TMEM132C: variants seen among roughly 807,000 people sequenced by gnomAD.
TMEM132C encodes the protein transmembrane protein 132C.
A neutral mutation model predicts 61.4 loss-of-function variants in TMEM132C; 29 were observed. That is an observed-to-expected ratio of 0.47 (90% CI 0.35 to 0.64). TMEM132C has a LOEUF of 0.64. Ranked by LOEUF, TMEM132C falls within the 30% of genes least tolerant of loss-of-function variation. TMEM132C has a pLI of 0.00. For missense variants in TMEM132C, 1,408 were observed against 1,476.9 expected (o/e 0.95, Z 0.76); for synonymous variants, 656 against 633.1 (o/e 1.04, Z -0.54).
In TMEM132C at chr12:128,706,080, G is replaced by C; in HGVS notation, c.3112G>C (p.Glu1038Gln). 6.4e-7 allele frequency: 1 copy of C among 1,551,654 alleles called. No homozygotes were observed. Among genetic ancestry groups the C allele is most frequent in the Non-Finnish European group, 8.7e-7 (1 of 1,146,938 alleles). ...CGACTCCGGGGGGCGGCAGGGCAGAGAACAGAAGCAGGACCCCCTGCACTC... is the reference window on the plus strand; with the variant it reads ...CGACTCCGGGGGGCGGCAGGGCAGACAACAGAAGCAGGACCCCCTGCACTC... ...SADSGGRQGR[E>Q]QKQDPLHSPT... Residue 1038 changes from glutamate to glutamine, a missense_variant, in exon 9 of 9, where the codon GAA becomes CAA. Physicochemically the swap from Glu to Gln is conservative, Grantham distance 29. Transcript: ENST00000435159.
intron 3 of TMEM132C, among the ~76,000 whole-genome samples, chr12:128,559,139 A>G (rs1874427559): frequency 1.3e-5 from 2 of 151,462 alleles, no homozygotes; most frequent in South Asian, 4.2e-4. Flanking sequence ...ACACACACAG[A>G]CACACACACA....
chr12:128,454,516 G>A (rs1017550454), intron 2 of TMEM132C, among the ~76,000 whole-genome samples: 1 of 152,198 alleles, frequency 6.6e-6, no homozygotes, highest in African/African-American at 2.4e-5. Context: ...TGACCATTTG[G>A]TTTTGCCTCT....
intron 3 of TMEM132C, among the ~76,000 whole-genome samples, chr12:128,604,824 G>A (rs1274154918): frequency 6.8e-6 from 1 of 146,104 alleles, no homozygotes; most frequent in Admixed American, 6.9e-5. Context: ...ATGGATGGAT[G>A]GATAATAGAT....
intron 2 of TMEM132C, among the ~76,000 whole-genome samples, chr12:128,434,024 C>T (rs959851015): frequency 5.3e-5 from 8 of 152,344 alleles, no homozygotes; most frequent in Admixed American, 2.6e-4. Flanking sequence ...GATAGCAACA[C>T]GGGCAGCAAG....
At chr12:128,456,321 T>C (rs916418160) in intron 2 of TMEM132C, among the ~76,000 whole-genome samples, 1 of 149,452 alleles carries the variant, frequency 6.7e-6, no homozygotes, top group Admixed American at 6.7e-5. Flanking sequence ...TAACATAATT[T>C]ACTACATTAA....
At chr12:128,295,638 C>CAA (rs59555369) in intron 1 of TMEM132C, among the ~76,000 whole-genome samples, 1 of 116,010 alleles carries the variant, frequency 8.6e-6, no homozygotes, top group African/African-American at 3.3e-5. Context: ...TTAAGTCCTT[C>CAA]AAAAAAAAAA....
At chr12:128,428,250 A>ACT (rs57811864) in intron 2 of TMEM132C, among the ~76,000 whole-genome samples, 1 of 150,442 alleles carries the variant, frequency 6.6e-6, no homozygotes, top group East Asian at 2.0e-4. Context: ...TTTCCCTATA[A>ACT]AACTTTTGGG....
At chr12:128,399,342 T>C (rs1875069296) in intron 1 of TMEM132C, among the ~76,000 whole-genome samples, 1 of 152,216 alleles carries the variant, frequency 6.6e-6, no homozygotes, top group East Asian at 1.9e-4. Flanking sequence ...TAATTGGGAC[T>C]CTCAGGGTTA....
At chr12:128,653,410 A>G (rs936510436) in intron 4 of TMEM132C, among the ~76,000 whole-genome samples, 23 of 152,318 alleles carry the variant, frequency 1.5e-4, no homozygotes, top group African/African-American at 4.6e-4. Context: ...CTAAATCTCA[A>G]TAAAGCTATT....
At chr12:128,344,256 C>A (rs1403742904) in intron 1 of TMEM132C, among the ~76,000 whole-genome samples, 1 of 152,182 alleles carries the variant, frequency 6.6e-6, no homozygotes, top group Non-Finnish European at 1.5e-5. Context: ...CTCCCGGGTT[C>A]ACGCCATTCT....
At chr12:128,446,477 T>C (rs1479752405) in intron 2 of TMEM132C, among the ~76,000 whole-genome samples, 2 of 152,228 alleles carry the variant, frequency 1.3e-5, no homozygotes, top group African/African-American at 4.8e-5. Context: ...ATGCCAAACT[T>C]TCCTGATCAT....
intron 3 of TMEM132C, among the ~76,000 whole-genome samples, chr12:128,592,059 G>GAAAAAAAAAAAAAAAAAAAAAA: frequency 8.0e-6 from 1 of 125,466 alleles, no homozygotes; most frequent in Non-Finnish European, 1.6e-5. Context: ...AAAAAAAAAA[G>GAAAAAAAAAAAAAAAAAAAAAA]AAAAAAAAAA....
chr12:128,499,270 A>C (rs1221575056), intron 2 of TMEM132C, among the ~76,000 whole-genome samples: 1 of 152,144 alleles, frequency 6.6e-6, no homozygotes, highest in Non-Finnish European at 1.5e-5. Flanking sequence ...GTAAGTTTTT[A>C]ATTATTCTGG....
intron 2 of TMEM132C, among the ~76,000 whole-genome samples, chr12:128,465,945 A>T (rs557833222): frequency 1.3e-5 from 2 of 152,294 alleles, no homozygotes; most frequent in Admixed American, 1.3e-4. Flanking sequence ...AAGGCGAGTG[A>T]AGCACTGGGA....
intron 1 of TMEM132C, among the ~76,000 whole-genome samples, chr12:128,285,281 T>TA (rs1198193576): frequency 6.6e-6 from 1 of 152,248 alleles, no homozygotes; most frequent in Non-Finnish European, 1.5e-5. Context: ...GATATGCAAT[T>TA]ACTCTGATTT....
At chr12:128,658,721 T>C (rs1166433608) in intron 4 of TMEM132C, among the ~76,000 whole-genome samples, 1 of 152,202 alleles carries the variant, frequency 6.6e-6, no homozygotes, top group Non-Finnish European at 1.5e-5. Flanking sequence ...CAACCACTTA[T>C]AAAGTTCTCC....
intron 3 of TMEM132C, among the ~76,000 whole-genome samples, chr12:128,582,621 T>C (rs1036951186): frequency 1.3e-5 from 2 of 152,150 alleles, no homozygotes; most frequent in African/African-American, 4.8e-5. Context: ...CAAGATCTGA[T>C]GGGTTTATCA....
intron 1 of TMEM132C, among the ~76,000 whole-genome samples, chr12:128,318,626 T>C (rs953635430): frequency 1.3e-5 from 2 of 152,238 alleles, no homozygotes; most frequent in Non-Finnish European, 2.9e-5. Context: ...ATCGCGTCTG[T>C]TGCCAGCTAA....
At chr12:128,520,817 G>A (rs1240340591) in intron 2 of TMEM132C, among the ~76,000 whole-genome samples, 1 of 152,080 alleles carries the variant, frequency 6.6e-6, no homozygotes, top group Non-Finnish European at 1.5e-5. Flanking sequence ...ATTTAGGGTG[G>A]GAGAGTTTAT....
Sources: allele counts gnomAD v4.1 joint callset (sites outside exome capture counted in the v4.1 genomes callset), GRCh38; gene constraint gnomAD v4.1.1; transcripts MANE v1.5; gene names NCBI Gene and HGNC (gene_info 2026-07-23, HGNC 2026-07-21).